Variants in COL24A1 observed in about 807,000 individuals in gnomAD.
The protein encoded by COL24A1 is collagen alpha-1(XXIV) chain.
A neutral mutation model predicts 253.9 loss-of-function variants in COL24A1; 224 were observed. The ratio of observed to expected loss-of-function variants is 0.88; its 90% confidence interval spans 0.79 to 0.99. The LOEUF is 0.99. Among genes scored for constraint, COL24A1 ranks in the 50% least tolerant of loss-of-function variants. The pLI is 0.00. For synonymous variants in COL24A1, 685 were observed against 673.7 expected, an observed-to-expected ratio of 1.02 and a Z score of -0.26; for missense variants, 2,131 against 2,068.5, an observed-to-expected ratio of 1.03 and a Z score of -0.59.
Position 86,008,388 on chromosome 1 carries a change from A to G in COL24A1, c.2310+8763T>C, listed in dbSNP as rs114070162. ...GCCTCCTGAGGAGCTGGGACTATAA[A>G]TGCACACCACCATGCCAGGCTAATT... On this transcript the variant is annotated intron_variant, in intron 19 of 59. Transcript: ENST00000370571. Among the ~76,000 whole-genome samples, 404 of 152,046 alleles carry G rather than the reference A, an allele frequency of 2.7e-3. 2 individuals carry two copies. The highest frequency in any genetic ancestry group is 4.4e-3 in the Non-Finnish European group (298 of 67,948).
At chr1:86,061,671 C>T (rs925502339) in intron 8 of COL24A1, among the ~76,000 whole-genome samples, 6 of 152,036 alleles carry the variant, frequency 3.9e-5, no homozygotes, top group African/African-American at 1.4e-4. Context: ...CTTTATATGG[C>T]ATAAACGTAT....
At chr1:85,807,746 T>C (rs1450317639) in intron 47 of COL24A1, among the ~76,000 whole-genome samples, 4 of 152,180 alleles carry the variant, frequency 2.6e-5, no homozygotes, top group African/African-American at 9.7e-5. Flanking sequence ...AACACTGCAA[T>C]GTGGTCAGAG....
intron 58 of COL24A1, among the ~76,000 whole-genome samples, chr1:85,735,590 A>G (rs1663959309): frequency 6.6e-6 from 1 of 152,056 alleles, no homozygotes; most frequent in South Asian, 2.1e-4. Context: ...CACACAGTGA[A>G]TCGTCAATAA....
intron 19 of COL24A1, among the ~76,000 whole-genome samples, chr1:85,992,074 C>G (rs555125568): frequency 6.6e-6 from 1 of 151,854 alleles, no homozygotes; most frequent in Non-Finnish European, 1.5e-5. Flanking sequence ...CCTCTCCACT[C>G]CCCCCACCCC....
chr1:86,132,521 C>G (rs1169886481), intron 2 of COL24A1, among the ~76,000 whole-genome samples: 1 of 152,046 alleles, frequency 6.6e-6, no homozygotes, highest in Non-Finnish European at 1.5e-5. Context: ...AGTCTTTAAT[C>G]CATCTTGAAT....
chr1:86,022,867 C>T lies in COL24A1; in HGVS notation c.2114G>A (p.Gly705Glu). The T allele has an allele frequency of 2.5e-6, 4 of 1,603,298 alleles. No individual in the cohort carries two copies. Among genetic ancestry groups the T allele is most frequent in the Non-Finnish European group, 3.4e-6 (4 of 1,174,258 alleles). Reference sequence around the variant, plus strand: ...TTTGATTCCAGGTAGTCCTTTATTCCCTGAAAGGCCCTACAAAAAAAGGTG... The same window carrying T: ...TTTGATTCCAGGTAGTCCTTTATTCTCTGAAAGGCCCTACAAAAAAAGGTG... ...AGIPGPMGLS[G>E]NKGLPGIKGD... Residue 705 changes from glycine (G) to glutamate (E), a missense_variant, in exon 16 of 60, where the codon GGG (glycine) becomes GAG (glutamate). Physicochemically the swap from Gly to Glu is moderately conservative, Grantham distance 98. Coordinates refer to ENST00000370571, the MANE Select transcript of COL24A1 (RefSeq NM_152890.7).
At chr1:85,961,169 T>C (rs988354207) in intron 24 of COL24A1, 80 bp downstream of exon 24, 16 of 1,037,570 alleles carry the variant, frequency 1.5e-5, no homozygotes, top group South Asian at 2.7e-5. Flanking sequence ...AACTTGACTA[T>C]AGCAAACGTA....
intron 3 of COL24A1, among the ~76,000 whole-genome samples, chr1:86,122,848 T>A (rs1647595209): frequency 6.6e-6 from 1 of 151,966 alleles, no homozygotes; most frequent in African/African-American, 2.4e-5. Flanking sequence ...CCAGACCGAT[T>A]TTCCAATTAA....
chr1:85,917,180 C>A (rs765313453), intron 24 of COL24A1, among the ~76,000 whole-genome samples: 3 of 152,100 alleles, frequency 2.0e-5, no homozygotes, highest in Admixed American at 6.5e-5. Flanking sequence ...AGCATAAATC[C>A]TTTTCAAAAG....
intron 19 of COL24A1, among the ~76,000 whole-genome samples, chr1:86,005,171 A>G (rs1358909771): frequency 1.3e-5 from 2 of 152,202 alleles, no homozygotes; most frequent in Admixed American, 6.5e-5. Flanking sequence ...CTATTAACAC[A>G]GTCAGATCAC....
chr1:85,961,727 A>G (rs776564739), intron 23 of COL24A1, among the ~76,000 whole-genome samples: 1 of 152,208 alleles, frequency 6.6e-6, no homozygotes, highest in Non-Finnish European at 1.5e-5. Flanking sequence ...GGAAGCTTAC[A>G]ATCATGATGG....
At chr1:85,867,926 G>A (rs1192528632) in intron 37 of COL24A1, among the ~76,000 whole-genome samples, 1 of 152,076 alleles carries the variant, frequency 6.6e-6, no homozygotes, top group Non-Finnish European at 1.5e-5. Flanking sequence ...TGTATTTTTG[G>A]TGGAGAAGGG....
chr1:85,972,674 G>A (rs1012497138), intron 20 of COL24A1, among the ~76,000 whole-genome samples: 2 of 150,926 alleles, frequency 1.3e-5, no homozygotes, highest in Non-Finnish European at 3.0e-5. Flanking sequence ...CTCCACCTTC[G>A]ACTGTAACTG....
intron 59 of COL24A1, among the ~76,000 whole-genome samples, chr1:85,732,615 ATTTTTTACTTTAATTTTTATTTT>A (rs1183234336): frequency 2.0e-5 from 3 of 151,926 alleles, no homozygotes; most frequent in African/African-American, 7.3e-5. Flanking sequence ...ATTTTTATTT[ATTTTTTACTTTAATTTTTATTTT>A]ACTTATGCTA....
chr1:85,828,174 T>C (rs1307782634), intron 43 of COL24A1, among the ~76,000 whole-genome samples: 1 of 152,068 alleles, frequency 6.6e-6, no homozygotes, highest in Non-Finnish European at 1.5e-5. Context: ...TTCATTTCGT[T>C]ATGTACCCAG....
At chr1:86,022,465 A>T in intron 17 of COL24A1, 73 bp downstream of exon 17, 1 of 1,395,652 alleles carries the variant, frequency 7.2e-7, no homozygotes, top group African/African-American at 1.5e-5. Context: ...TACATGGATA[A>T]AATAATAAGC....
intron 48 of COL24A1, among the ~76,000 whole-genome samples, chr1:85,784,925 C>T (rs141916658): frequency 2.6e-5 from 4 of 151,928 alleles, no homozygotes; most frequent in African/African-American, 9.7e-5. Flanking sequence ...GAGACAGGAT[C>T]TCACTATGTT....
intron 57 of COL24A1, among the ~76,000 whole-genome samples, chr1:85,740,279 T>G (rs760203761): frequency 2.6e-4 from 40 of 152,206 alleles, no homozygotes; most frequent in Non-Finnish European, 4.6e-4. Flanking sequence ...TTATTCCCTC[T>G]ATCACTAAGA....
At chr1:85,747,221 C>T (rs1557976482) in intron 55 of COL24A1, among the ~76,000 whole-genome samples, 2 of 151,170 alleles carry the variant, frequency 1.3e-5, no homozygotes, top group Admixed American at 6.6e-5. Context: ...AAGCGATTCT[C>T]CTGCCTCTCA....
Sources: allele counts gnomAD v4.1 joint callset (sites outside exome capture counted in the v4.1 genomes callset), GRCh38; gene constraint gnomAD v4.1.1; transcripts MANE v1.5; gene names NCBI Gene and HGNC (gene_info 2026-07-23, HGNC 2026-07-21).